The following CPA6 variants were observed in gnomAD, a reference collection of about 807,000 sequenced individuals.
CPA6 encodes the protein carboxypeptidase B.
In CPA6, 58 loss-of-function variants were observed where a neutral mutation model predicts 63.3. The observed-to-expected ratio is 0.92, with a 90% confidence interval of 0.74 to 1.14. The LOEUF is 1.14. Ranked by LOEUF, CPA6 falls within the 50% of genes most tolerant of loss-of-function variation. The probability of loss-of-function intolerance (pLI) is 0.00; values close to 1 mark genes in which losing one functional copy is unlikely to be tolerated. For synonymous variants in CPA6, 185 were observed against 179.0 expected (o/e 1.03, Z -0.27); for missense variants, 565 against 526.6 (o/e 1.07, Z -0.71).
At chr8:67,562,638 A>G (rs914760642) in intron 2 of CPA6, among the ~76,000 whole-genome samples, 5 of 152,200 alleles carry the variant, frequency 3.3e-5, no homozygotes, top group African/African-American at 1.2e-4. Context: ...GGAGGTGATT[A>G]GGTCAAGACC....
intron 2 of CPA6, among the ~76,000 whole-genome samples, chr8:67,598,387 C>T (rs1814403665): frequency 6.6e-6 from 1 of 152,074 alleles, no homozygotes; most frequent in Admixed American, 6.6e-5. Flanking sequence ...ACCTAGTCTG[C>T]ATTACTTAAG....
intron 1 of CPA6, among the ~76,000 whole-genome samples, chr8:67,673,837 G>T (rs1277569619): frequency 6.6e-6 from 1 of 152,160 alleles, no homozygotes; most frequent in Non-Finnish European, 1.5e-5. Context: ...CAGGAGCCTG[G>T]TGTTGAACAA....
intron 8 of CPA6, among the ~76,000 whole-genome samples, chr8:67,449,628 T>C (rs73262604): frequency 0.067 from 10,157 of 152,180 alleles, 778 homozygotes; most frequent in African/African-American, 0.19. Flanking sequence ...GTTCAGATTC[T>C]TGATTGCTGT....
At position 67,618,111 on chromosome 8, in the gene CPA6, T is replaced by C. The variant is rs570857588; in HGVS notation, c.192+6065A>G. Among the ~76,000 whole-genome samples the C allele has an allele frequency of 2.6e-5, 4 of 152,310 alleles. No individual in the cohort carries two copies. The South Asian group carries it at 8.3e-4, about 32-fold the overall frequency. The stretch of plus-strand genomic sequence containing the variant: ...CAATCCTTTTACAATGGTGCCCAGA[T>C]TAGCATTTCAGGAGAGAAGATGTGT... On this transcript the variant is annotated intron_variant, in intron 2 of 10. Transcript: ENST00000297770.
intron 1 of CPA6, among the ~76,000 whole-genome samples, chr8:67,648,260 T>G (rs1228253623): frequency 1.3e-5 from 1 of 76,838 alleles, no homozygotes; most frequent in Non-Finnish European, 3.0e-5. Flanking sequence ...TAGATTAGGT[T>G]TTTTTTTTTT....
At position 67,746,188 on chromosome 8, in the gene CPA6, C is replaced by T; in HGVS notation, c.-59G>A. 2 of 1,306,280 alleles carry T rather than the reference C, an allele frequency of 1.5e-6. No individual in the cohort carries two copies. Among genetic ancestry groups the T allele is most frequent in the Non-Finnish European group, 2.2e-6 (2 of 919,022 alleles). The allele number at this position is 1,306,280 out of a possible 1,614,324, so 80.9% of individuals were successfully genotyped here. On this transcript the variant is annotated 5_prime_UTR_variant, in exon 1 of 11. Transcript: ENST00000297770. ...AGCAGCCACCCGAGGCTGGAGGTGG[C>T]TCACAGCACCCTCTACACACCGCAC...
intron 2 of CPA6, among the ~76,000 whole-genome samples, chr8:67,592,864 T>C (rs1009550261): frequency 1.5e-4 from 23 of 152,220 alleles, no homozygotes; most frequent in African/African-American, 5.3e-4. Flanking sequence ...TTTTGAAGGG[T>C]TTTTTGTGTC....
intron 8 of CPA6, among the ~76,000 whole-genome samples, chr8:67,445,073 A>G (rs1463799843): frequency 1.3e-5 from 2 of 152,212 alleles, no homozygotes; most frequent in Non-Finnish European, 2.9e-5. Flanking sequence ...GTCAAAAGCC[A>G]GATGTTATAT....
chr8:67,642,479 G>A (rs1299266292), intron 1 of CPA6, among the ~76,000 whole-genome samples: 1 of 152,028 alleles, frequency 6.6e-6, no homozygotes, highest in Non-Finnish European at 1.5e-5. Flanking sequence ...TTTTTTGGTG[G>A]AATTGGACAA....
chr8:67,707,992 C>T (rs985337318), intron 1 of CPA6, among the ~76,000 whole-genome samples: 18 of 151,968 alleles, frequency 1.2e-4, no homozygotes, highest in Admixed American at 3.9e-4. Context: ...ACCTTGTCTA[C>T]ACAGTCCCTG....
At chr8:67,453,403 G>A (rs1810599159) in intron 8 of CPA6, among the ~76,000 whole-genome samples, 1 of 152,204 alleles carries the variant, frequency 6.6e-6, no homozygotes, top group Non-Finnish European at 1.5e-5. Context: ...ATGGCTATAG[G>A]AAGAGCCGAT....
intron 1 of CPA6, among the ~76,000 whole-genome samples, chr8:67,628,346 T>C (rs1282393505): frequency 6.6e-6 from 1 of 152,212 alleles, no homozygotes; most frequent in Non-Finnish European, 1.5e-5. Flanking sequence ...GAAAGTCCTG[T>C]TGAAAGACAG....
At chr8:67,428,631 G>T (rs771229423) in intron 9 of CPA6, among the ~76,000 whole-genome samples, 1 of 152,058 alleles carries the variant, frequency 6.6e-6, no homozygotes, top group Non-Finnish European at 1.5e-5. Flanking sequence ...CTACAAGCGC[G>T]TGCCACCACG....
At chr8:67,647,839 C>T in intron 1 of CPA6, among the ~76,000 whole-genome samples, 1 of 152,126 alleles carries the variant, frequency 6.6e-6, no homozygotes, top group East Asian at 1.9e-4. Flanking sequence ...TGTTCCAGGC[C>T]ATTATATGTT....
chr8:67,458,786 A>G (rs528846977), intron 8 of CPA6, among the ~76,000 whole-genome samples: 1 of 152,380 alleles, frequency 6.6e-6, no homozygotes, highest in South Asian at 2.1e-4. Context: ...GCAAATAAGC[A>G]AATGAAAAGA....
At chr8:67,672,060 C>A (rs904222622) in intron 1 of CPA6, among the ~76,000 whole-genome samples, 2 of 152,048 alleles carry the variant, frequency 1.3e-5, no homozygotes, top group African/African-American at 4.8e-5. Context: ...GAACTCCTGA[C>A]CTCATGTGAT....
At chr8:67,526,560 G>A (rs982887465) in intron 2 of CPA6, among the ~76,000 whole-genome samples, 3 of 152,116 alleles carry the variant, frequency 2.0e-5, no homozygotes, top group African/African-American at 7.2e-5. Flanking sequence ...GTTAATGCCA[G>A]GCTGGCTCTT....
At chr8:67,554,321 T>C (rs1813012735) in intron 2 of CPA6, among the ~76,000 whole-genome samples, 1 of 152,030 alleles carries the variant, frequency 6.6e-6, no homozygotes, top group East Asian at 1.9e-4. Context: ...GCTGGTGTCT[T>C]ACATGGCAAG....
intron 1 of CPA6, among the ~76,000 whole-genome samples, chr8:67,672,753 G>A (rs964768883): frequency 1.3e-5 from 2 of 152,168 alleles, no homozygotes; most frequent in Admixed American, 6.5e-5. Flanking sequence ...CAATCAAGAT[G>A]TTTTATTCTA....
Sources: allele counts gnomAD v4.1 joint callset (sites outside exome capture counted in the v4.1 genomes callset), GRCh38; gene constraint gnomAD v4.1.1; transcripts MANE v1.5; gene names NCBI Gene and HGNC (gene_info 2026-07-23, HGNC 2026-07-21).